The following CALM2 variants were observed in gnomAD, a reference collection of about 807,000 sequenced individuals.
CALM2 encodes the protein calmodulin-2.
A neutral mutation model predicts 19.8 loss-of-function variants in CALM2; 2 were observed. The ratio of observed to expected loss-of-function variants is 0.10; its 90% CI spans 0.04 to 0.32. The LOEUF (loss-of-function observed/expected upper bound fraction) is 0.32, where lower values mean the gene tolerates loss of function less well. Among genes scored for constraint, CALM2 ranks in the 10% least tolerant of loss-of-function variants. The pLI, the probability that CALM2 is intolerant of heterozygous loss-of-function variation, is 1.00. For missense variants in CALM2, 38 were observed against 178.7 expected, an observed-to-expected ratio of 0.21 and a Z score of 4.49; for synonymous variants, 51 against 52.1, an observed-to-expected ratio of 0.98 and a Z score of 0.09.
At chr2:47,176,753 CCCTGAGGGGCGCTACTTTGCGGCG>C, upstream of CALM2, 4 of 985,448 alleles carry the variant, frequency 4.1e-6, no homozygotes, top group Non-Finnish European at 4.8e-6. Flanking sequence ...GTGGAGCGGC[CCCTGAGGGGCGCTACTTTGCGGCG>C]CGGAGGAGCA....
chr2:47,170,502 G>A (rs891239816), intron 2 of CALM2, among the ~76,000 whole-genome samples: 25 of 152,136 alleles, frequency 1.6e-4, no homozygotes, highest in Admixed American at 2.6e-4. Context: ...GTATATCCAC[G>A]CAGACTAAAA....
intron 1 of CALM2, among the ~76,000 whole-genome samples, chr2:47,175,288 G>A (rs1532467): frequency 0.045 from 6,901 of 152,186 alleles, 239 homozygotes; most frequent in Non-Finnish European, 0.067. Flanking sequence ...AGCAGAAGGG[G>A]AGCAATGTTT....
At chr2:47,165,247 G>A (rs1666427166) in intron 2 of CALM2, among the ~76,000 whole-genome samples, 1 of 152,170 alleles carries the variant, frequency 6.6e-6, no homozygotes, top group Admixed American at 6.5e-5. Flanking sequence ...CTTGACTACT[G>A]GGTTAGAATT....
Position 47,176,468 on chromosome 2 carries a change from G to C in CALM2, c.-25C>G, listed in dbSNP as rs1474682656. ...TGCTGCAAGCGCTACCGGTTTCCGAGACGCGACCACACAACCACTCAGCTC... is the reference window on the plus strand; with the variant it reads ...TGCTGCAAGCGCTACCGGTTTCCGACACGCGACCACACAACCACTCAGCTC... On this transcript the variant is annotated 5_prime_UTR_variant, in exon 1 of 6. Coordinates refer to ENST00000272298, the MANE Select transcript of CALM2 (RefSeq NM_001743.6). The C allele has an allele frequency of 1.9e-6, 3 of 1,613,754 alleles. No homozygotes were observed. Among genetic ancestry groups the C allele is most frequent in the Non-Finnish European group, 2.5e-6 (3 of 1,179,976 alleles).
At chr2:47,175,019 C>T (rs1240190536) in intron 1 of CALM2, among the ~76,000 whole-genome samples, 1 of 150,914 alleles carries the variant, frequency 6.6e-6, no homozygotes, top group Admixed American at 6.6e-5. Context: ...ACACCCATCG[C>T]TGTAACCACT....
chr2:47,175,084 T>TTTTTTTTG, intron 1 of CALM2, among the ~76,000 whole-genome samples: 2 of 129,964 alleles, frequency 1.5e-5, no homozygotes, highest in East Asian at 2.0e-4. Flanking sequence ...ATTAGGTGTT[T>TTTTTTTTG]TTTTTTTTTT....
intron 1 of CALM2, among the ~76,000 whole-genome samples, chr2:47,175,313 T>C (rs1047438159): frequency 2.0e-5 from 3 of 152,124 alleles, no homozygotes; most frequent in Non-Finnish European, 2.9e-5. Context: ...GTGGTCGTGG[T>C]TCTTGAACAT....
intron 2 of CALM2, among the ~76,000 whole-genome samples, chr2:47,166,449 T>G (rs1009089677): frequency 1.3e-5 from 2 of 152,194 alleles, no homozygotes; most frequent in East Asian, 3.8e-4. Flanking sequence ...TATGTATAAC[T>G]TTCGAGAAAT....
chr2:47,173,774 T>C (rs1666754927), intron 1 of CALM2: 1 of 152,216 alleles, frequency 6.6e-6, no homozygotes, highest in Admixed American at 6.5e-5. Flanking sequence ...AGGATTCCTA[T>C]ATGAAGTTTT....
chr2:47,162,757 G>C (rs926565632), intron 2 of CALM2, 95 bp from the exon 3 acceptor site: 1 of 1,073,626 alleles, frequency 9.3e-7, no homozygotes, highest in East Asian at 2.7e-5. Flanking sequence ...ACTCAGTGGT[G>C]GGATCGTGCC....
chr2:47,176,734 A>G, upstream of CALM2: 1 of 1,376,096 alleles, frequency 7.3e-7, no homozygotes, highest in Non-Finnish European at 9.4e-7. Flanking sequence ...GCGAGCCGTT[A>G]AAAGGCCGGT....
At chr2:47,175,375 G>A (rs1275960748) in intron 1 of CALM2, among the ~76,000 whole-genome samples, 1 of 152,062 alleles carries the variant, frequency 6.6e-6, no homozygotes, top group Non-Finnish European at 1.5e-5. Flanking sequence ...GCTCTTCAAA[G>A]GCATCCATCC....
intron 2 of CALM2, 109 bp from the exon 3 acceptor site, chr2:47,162,771 G>C: frequency 1.3e-5 from 12 of 898,898 alleles, no homozygotes; most frequent in Non-Finnish European, 2.0e-5. Context: ...TCGTGCCAGT[G>C]AACAGCCACT....
intron 4 of CALM2, 85 bp downstream of exon 4, chr2:47,162,201 C>CAAAAAAAAAA (rs1553431766): frequency 7.6e-6 from 1 of 130,862 alleles, no homozygotes; most frequent in Non-Finnish European, 1.3e-5. Flanking sequence ...AAAAAAAAAA[C>CAAAAAAAAAA]AACCAAAAAA....
chr2:47,176,112 C>A, intron 1 of CALM2: 1 of 365,638 alleles, frequency 2.7e-6, no homozygotes, highest in Admixed American at 4.5e-5. Context: ...TCCCTCTCTC[C>A]CTTCCTTCAC....
At chr2:47,175,605 G>C (rs1449202058) in intron 1 of CALM2, among the ~76,000 whole-genome samples, 1 of 152,136 alleles carries the variant, frequency 6.6e-6, no homozygotes, top group Non-Finnish European at 1.5e-5. Context: ...CGGCCTGGGT[G>C]GTGGAAGACG....
At position 47,160,453 on chromosome 2, in the gene CALM2, C is replaced by T. The variant is rs1206769427; in HGVS notation, c.*323G>A. On this transcript the variant is annotated 3_prime_UTR_variant, in exon 6 of 6. Coordinates refer to ENST00000272298, the MANE Select transcript of CALM2 (RefSeq NM_001743.6). ...CTTCAACAACAACATGCTGACAGTT[C>T]CTAAAGAAAACTACTTTAAAAAAGG... 1 of 213,800 alleles carries T rather than the reference C, an allele frequency of 4.7e-6. No individual in the cohort carries two copies. The highest frequency in any genetic ancestry group is 9.2e-6 in the Non-Finnish European group (1 of 108,558). The allele number at this position is 213,800 out of a possible 1,614,324, so 13.2% of individuals were successfully genotyped here. A position where few individuals can be genotyped will look rare whatever the true frequency, so the allele number is the denominator to read the frequency against.
chr2:47,176,499 C>G lies in CALM2; in HGVS notation c.-56G>C, dbSNP rs753460615. Reference sequence around the variant, plus strand: ...ACCACACAACCACTCAGCTCGCTCTCTCCACTCGGACTAATTCGCCTCCTC... The same window carrying G: ...ACCACACAACCACTCAGCTCGCTCTGTCCACTCGGACTAATTCGCCTCCTC... On this transcript the variant is annotated 5_prime_UTR_variant, in exon 1 of 6. Transcript: ENST00000272298. The G allele has an allele frequency of 1.6e-5, 26 of 1,610,446 alleles. No homozygotes were observed. The highest frequency in any genetic ancestry group is 2.0e-5 in the Non-Finnish European group (24 of 1,178,708).
At chr2:47,169,293 TA>T (rs1666593926) in intron 2 of CALM2, among the ~76,000 whole-genome samples, 1 of 151,806 alleles carries the variant, frequency 6.6e-6, no homozygotes, top group South Asian at 2.1e-4. Flanking sequence ...ACAGTATATT[TA>T]TAAAAAAAAC....
Sources: allele counts gnomAD v4.1 joint callset (sites outside exome capture counted in the v4.1 genomes callset), GRCh38; gene constraint gnomAD v4.1.1; transcripts MANE v1.5; gene names NCBI Gene and HGNC (gene_info 2026-07-23, HGNC 2026-07-21).